Variants in DAB1 observed in about 807,000 individuals in gnomAD.
The protein encoded by DAB1 is disabled homolog 1.
A neutral mutation model predicts 64.6 loss-of-function variants in DAB1; 15 were observed. That is an observed-to-expected ratio of 0.23 (90% CI 0.16 to 0.36). The LOEUF (loss-of-function observed/expected upper bound fraction) is 0.36, where lower values mean the gene tolerates loss of function less well. Among genes scored for constraint, DAB1 ranks in the 10% least tolerant of loss-of-function variants. DAB1 has a pLI of 1.00. For synonymous variants in DAB1, 235 were observed against 251.9 expected (o/e 0.93, Z 0.64); for missense variants, 596 against 706.7 (o/e 0.84, Z 1.78).
rs148160531 is a variant in DAB1, at chr1:57,318,639, C to A, written c.-136-27473G>T. On this transcript the variant is annotated intron_variant, in intron 1 of 14. Transcript: ENST00000371236. ...TCACTGATCTCATTGGATTCTTCCA[C>A]CCTCTATTAGAGAAAATATGCATAG... Among the ~76,000 whole-genome samples the A allele has an allele frequency of 4.7e-4, 71 of 151,834 alleles. No individual in the cohort carries two copies. In the Middle Eastern group the frequency reaches 0.01, roughly 22 times the overall value.
At chr1:57,916,724 G>A (rs182647347) in intron 5 of DAB1, among the ~76,000 whole-genome samples, 24 of 152,258 alleles carry the variant, frequency 1.6e-4, no homozygotes, top group Admixed American at 7.8e-4. Flanking sequence ...GATCACCTGA[G>A]GTCAGGAGTT....
At position 57,722,093 on chromosome 1, in the gene DAB1, C is replaced by A. The variant is rs1647157883; in HGVS notation, n.552-72428G>T. Among the ~76,000 whole-genome samples, 3 of 152,196 alleles carry A rather than the reference C, an allele frequency of 2.0e-5. No individual in the cohort carries two copies. In the South Asian group the frequency reaches 6.2e-4, roughly 31 times the overall value. On this transcript the variant is annotated intron_variant and non_coding_transcript_variant, in intron 6 of 20. Coordinates refer to the DAB1 transcript ENST00000485760. The stretch of plus-strand genomic sequence containing the variant: ...CAACTTTGCCTTCCTAACACACAGA[C>A]AATGTGACCATTTCTCATCAGTGTT...
intron 3 of DAB1, among the ~76,000 whole-genome samples, chr1:58,412,031 G>A (rs1481011760): frequency 6.6e-6 from 1 of 152,128 alleles, no homozygotes; most frequent in Admixed American, 6.5e-5. Context: ...GTTGCACAAA[G>A]AATAACCCAT....
intron 4 of DAB1, among the ~76,000 whole-genome samples, chr1:58,190,736 G>A (rs903610023): frequency 6.6e-6 from 1 of 152,216 alleles, no homozygotes; most frequent in African/African-American, 2.4e-5. Context: ...AATGAAAAGG[G>A]ACACTGCCAG....
intron 4 of DAB1, among the ~76,000 whole-genome samples, chr1:58,290,057 T>C (rs1186020979): frequency 6.6e-6 from 1 of 152,122 alleles, no homozygotes; most frequent in South Asian, 2.1e-4. Flanking sequence ...ACCACAAATA[T>C]TGAGCACTGA....
chr1:57,212,880 C>A (rs1322172204), intron 2 of DAB1, among the ~76,000 whole-genome samples: 1 of 152,170 alleles, frequency 6.6e-6, no homozygotes, highest in Non-Finnish European at 1.5e-5. Flanking sequence ...AGTCTCAGAA[C>A]CCTTCTGCCA....
chr1:57,265,533 T>C (rs1249010361), intron 2 of DAB1, among the ~76,000 whole-genome samples: 1 of 152,210 alleles, frequency 6.6e-6, no homozygotes, highest in Non-Finnish European at 1.5e-5. Context: ...ATTTCCTCAA[T>C]CTGGCTCTTC....
At chr1:57,484,504 C>T (rs552743454) in intron 7 of DAB1, among the ~76,000 whole-genome samples, 1 of 152,230 alleles carries the variant, frequency 6.6e-6, no homozygotes, top group Admixed American at 6.5e-5. Context: ...TATTTATTTA[C>T]TTATTTTTGT....
chr1:58,076,757 G>T (rs148039319), intron 5 of DAB1, among the ~76,000 whole-genome samples: 1 of 152,096 alleles, frequency 6.6e-6, no homozygotes, highest in Non-Finnish European at 1.5e-5. Flanking sequence ...CCTCCTCCTC[G>T]CTGCCCTCAA....
intron 7 of DAB1, among the ~76,000 whole-genome samples, chr1:57,483,839 C>G (rs573699128): frequency 6.6e-6 from 1 of 152,248 alleles, no homozygotes; most frequent in African/African-American, 2.4e-5. Context: ...GGACTATATA[C>G]CAGGCATTAT....
intron 7 of DAB1, among the ~76,000 whole-genome samples, chr1:57,627,203 C>A (rs1645932744): frequency 6.6e-6 from 1 of 152,144 alleles, no homozygotes; most frequent in African/African-American, 2.4e-5. Flanking sequence ...GTTCTCACAC[C>A]TTTGGACCCA....
intron 7 of DAB1, among the ~76,000 whole-genome samples, chr1:57,595,247 A>C (rs147598184): frequency 1.9e-4 from 29 of 151,858 alleles, no homozygotes; most frequent in Admixed American, 3.9e-4. Flanking sequence ...TTAGATTCTA[A>C]ATTTTTTTTA....
At chr1:57,294,642 C>A (rs1479200830) in intron 1 of DAB1, among the ~76,000 whole-genome samples, 2 of 152,200 alleles carry the variant, frequency 1.3e-5, no homozygotes, top group Non-Finnish European at 2.9e-5. Context: ...ATGCTATGAG[C>A]TTTTCTGGCA....
intron 5 of DAB1, among the ~76,000 whole-genome samples, chr1:57,906,530 T>G (rs1440124549): frequency 6.6e-6 from 1 of 152,128 alleles, no homozygotes; most frequent in African/African-American, 2.4e-5. Context: ...AGCTGTGGGC[T>G]TTTATCCCAC....
chr1:57,233,311 G>GGA (rs10693548), intron 2 of DAB1, among the ~76,000 whole-genome samples: 64,768 of 118,644 alleles, frequency 0.55, 19,326 homozygotes, highest in East Asian at 0.83. Context: ...CGCCCAGGCT[G>GGA]GAGTGCAGTG....
At chr1:58,538,968 T>G (rs765120826) in intron 1 of DAB1, 1 of 872,886 alleles carries the variant, frequency 1.1e-6, no homozygotes, top group South Asian at 1.3e-5. Flanking sequence ...CTTCTTTTAT[T>G]AGCAGCTGTC....
At chr1:57,497,905 A>T (rs925547582) in intron 7 of DAB1, among the ~76,000 whole-genome samples, 2 of 152,210 alleles carry the variant, frequency 1.3e-5, no homozygotes, top group Admixed American at 6.5e-5. Context: ...TTTGGTTGTC[A>T]TAGGGAGAAT....
intron 4 of DAB1, among the ~76,000 whole-genome samples, chr1:58,336,359 C>T (rs2100500214): frequency 6.6e-6 from 1 of 152,304 alleles, no homozygotes; most frequent in South Asian, 2.1e-4. Flanking sequence ...CTGGCATTTG[C>T]TTCAGATGTC....
intron 5 of DAB1, among the ~76,000 whole-genome samples, chr1:58,122,262 T>C (rs1570380441): frequency 6.6e-6 from 1 of 152,216 alleles, no homozygotes; most frequent in East Asian, 1.9e-4. Context: ...CATGTTAGAC[T>C]GACTGTGGAC....
Sources: gnomAD v4.1 joint callset for allele counts (sites outside exome capture counted in the v4.1 genomes callset) on GRCh38, gnomAD v4.1.1 for gene constraint, MANE v1.5 for transcripts, NCBI Gene and HGNC (gene_info 2026-07-23, HGNC 2026-07-21) for gene names.